C8orf34: variants seen among roughly 807,000 people sequenced by gnomAD.
C8orf34 encodes chromosome 8 open reading frame 34, also known as uncharacterized protein C8orf34.
In C8orf34, 65 loss-of-function variants were observed where a neutral mutation model predicts 68.3. The observed-to-expected ratio is 0.95, with a 90% CI of 0.78 to 1.17. C8orf34 has a LOEUF of 1.17. Among genes scored for constraint, C8orf34 ranks in the 50% most tolerant of loss-of-function variants. The probability of loss-of-function intolerance (pLI) is 0.00; values close to 1 mark genes in which losing one functional copy is unlikely to be tolerated. For synonymous variants in C8orf34, 244 were observed against 241.2 expected, an observed-to-expected ratio of 1.01 and a Z score of -0.11; for missense variants, 664 against 655.4, an observed-to-expected ratio of 1.01 and a Z score of -0.14.
At chr8:68,754,171 T>G (rs1822787930) in intron 10 of C8orf34, among the ~76,000 whole-genome samples, 1 of 152,188 alleles carries the variant, frequency 6.6e-6, no homozygotes, top group Non-Finnish European at 1.5e-5. Flanking sequence ...AATGCAGAGC[T>G]ACATGGATCA....
intron 12 of C8orf34, chr8:68,791,036 C>T (rs374154804): frequency 3.4e-6 from 2 of 586,052 alleles, no homozygotes; most frequent in African/African-American, 1.9e-5. Context: ...AAATGTGAGT[C>T]TGGAGAAAAA....
chr8:68,615,969 C>A (rs1300849691), intron 7 of C8orf34, among the ~76,000 whole-genome samples: 5 of 150,778 alleles, frequency 3.3e-5, no homozygotes, highest in Admixed American at 3.3e-4. Flanking sequence ...AATTTCAGAG[C>A]CTGTTATTGG....
intron 7 of C8orf34, among the ~76,000 whole-genome samples, chr8:68,565,766 T>A (rs1816569674): frequency 1.3e-5 from 2 of 152,198 alleles, no homozygotes; most frequent in African/African-American, 4.8e-5. Flanking sequence ...AAATAGAATG[T>A]TTGAAATGAG....
intron 8 of C8orf34, among the ~76,000 whole-genome samples, chr8:68,658,265 T>C (rs1411158956): frequency 2.0e-5 from 3 of 152,200 alleles, no homozygotes; most frequent in African/African-American, 4.8e-5. Flanking sequence ...AACTTTTAGA[T>C]CTTGCATGTC....
intron 10 of C8orf34, among the ~76,000 whole-genome samples, chr8:68,758,930 T>C (rs1412322874): frequency 6.6e-6 from 1 of 152,160 alleles, no homozygotes; most frequent in African/African-American, 2.4e-5. Flanking sequence ...TCTTAGCAAC[T>C]GGCACAGCTG....
chr8:68,676,538 A>G (rs1373008871), intron 8 of C8orf34, among the ~76,000 whole-genome samples: 1 of 152,188 alleles, frequency 6.6e-6, no homozygotes, highest in African/African-American at 2.4e-5. Context: ...GACCTAATAT[A>G]GATATTTACA....
At chr8:68,699,430 A>G (rs892212962) in intron 8 of C8orf34, among the ~76,000 whole-genome samples, 3 of 152,084 alleles carry the variant, frequency 2.0e-5, no homozygotes, top group Non-Finnish European at 2.9e-5. Flanking sequence ...CCTTAGCTCC[A>G]GAGCATGCTG....
At chr8:68,776,355 T>G (rs1823517485) in intron 10 of C8orf34, 44 bp from the exon 11 acceptor site, 1 of 1,456,884 alleles carries the variant, frequency 6.9e-7, no homozygotes, top group South Asian at 1.1e-5. Context: ...TCTTTTTCTC[T>G]CCTTCTCCTG....
intron 1 of C8orf34, among the ~76,000 whole-genome samples, chr8:68,383,167 G>C (rs748299377): frequency 2.0e-5 from 3 of 152,154 alleles, no homozygotes; most frequent in Non-Finnish European, 2.9e-5. Context: ...GAAATTATCT[G>C]GGGTCATTAT....
chr8:68,456,295 A>G (rs541493557), intron 3 of C8orf34, among the ~76,000 whole-genome samples: 76 of 152,130 alleles, frequency 5.0e-4, no homozygotes, highest in Non-Finnish European at 2.2e-4. Context: ...TACTTAAAAT[A>G]GCTACTATAT....
chr8:68,362,366 T>G (rs1158160010), intron 1 of C8orf34, among the ~76,000 whole-genome samples: 1 of 152,132 alleles, frequency 6.6e-6, no homozygotes, highest in Non-Finnish European at 1.5e-5. Flanking sequence ...TTTAGCAGAG[T>G]CCACTGTCAA....
At chr8:68,740,083 T>C (rs111651265) in intron 10 of C8orf34, among the ~76,000 whole-genome samples, 1,741 of 152,204 alleles carry the variant, frequency 0.011, 31 homozygotes, top group African/African-American at 0.04. Context: ...CCTTTCCTTA[T>C]ACCATCTGCA....
At chr8:68,777,037 T>A (rs1823539590) in intron 11 of C8orf34, among the ~76,000 whole-genome samples, 1 of 152,238 alleles carries the variant, frequency 6.6e-6, no homozygotes, top group Admixed American at 6.5e-5. Context: ...GATAAACCAG[T>A]GGGCAGAGCC....
In C8orf34 at chr8:68,744,582, A is replaced by G. The variant is rs1341299267; in HGVS notation, c.1404+23145A>G. Among the ~76,000 whole-genome samples the G allele has an allele frequency of 3.9e-5, 6 of 152,296 alleles. No individual in the cohort carries two copies. In the East Asian group the frequency reaches 1.2e-3, roughly 29 times the overall value. Reference sequence around the variant, plus strand: ...AAACCAAGGCTCGAGAACTACGTGAAGAATGCAGAAGCCTCAGGAGCCGAT... The same window carrying G: ...AAACCAAGGCTCGAGAACTACGTGAGGAATGCAGAAGCCTCAGGAGCCGAT... On this transcript the variant is annotated intron_variant, in intron 10 of 13. Coordinates refer to ENST00000518698, the MANE Select transcript of C8orf34 (RefSeq NM_052958.4).
At chr8:68,782,709 C>T (rs1251515791) in intron 11 of C8orf34, among the ~76,000 whole-genome samples, 2 of 152,040 alleles carry the variant, frequency 1.3e-5, no homozygotes, top group African/African-American at 2.4e-5. Flanking sequence ...AATTAAAAGG[C>T]CATTTTCAAG....
At chr8:68,750,411 G>A (rs1822669951) in intron 10 of C8orf34, among the ~76,000 whole-genome samples, 2 of 152,028 alleles carry the variant, frequency 1.3e-5, no homozygotes, top group African/African-American at 2.4e-5. Context: ...GCTAATTCAC[G>A]GAGACAGAAA....
intron 10 of C8orf34, among the ~76,000 whole-genome samples, chr8:68,774,856 C>T (rs547187144): frequency 1.3e-5 from 2 of 149,810 alleles, no homozygotes; most frequent in South Asian, 2.1e-4. Flanking sequence ...CCCGTAATTC[C>T]GGCACTTTGG....
At chr8:68,489,795 A>C (rs1813233598) in intron 5 of C8orf34, among the ~76,000 whole-genome samples, 1 of 152,232 alleles carries the variant, frequency 6.6e-6, no homozygotes, top group Admixed American at 6.5e-5. Context: ...TTATTTTTAC[A>C]AAAACCACAA....
At chr8:68,624,168 A>G (rs1255525164) in intron 7 of C8orf34, among the ~76,000 whole-genome samples, 2 of 151,354 alleles carry the variant, frequency 1.3e-5, no homozygotes, top group African/African-American at 4.9e-5. Context: ...GCTAATTGGG[A>G]GGCTGAGGTA....
Sources: allele counts gnomAD v4.1 joint callset (sites outside exome capture counted in the v4.1 genomes callset), GRCh38; gene constraint gnomAD v4.1.1; transcripts MANE v1.5; gene names NCBI Gene and HGNC (gene_info 2026-07-23, HGNC 2026-07-21).